Variants in FAM135A observed in about 807,000 individuals in gnomAD.
The protein encoded by FAM135A is protein FAM135A.
FAM135A carries 79 observed loss-of-function variants against 146.8 expected under a neutral mutation model. The observed-to-expected ratio is 0.54, with a 90% confidence interval of 0.45 to 0.65. The LOEUF is 0.65. FAM135A is among the 30% of genes least tolerant of loss of function. The probability of loss-of-function intolerance (pLI) is 0.00; values close to 1 mark genes in which losing one functional copy is unlikely to be tolerated. For synonymous variants in FAM135A, 562 were observed against 603.6 expected (o/e 0.93, Z 1.01); for missense variants, 1,623 against 1,758.2 (o/e 0.92, Z 1.38).
chr6:70,441,633 A>G (rs1313506846), intron 4 of FAM135A, among the ~76,000 whole-genome samples: 4 of 152,036 alleles, frequency 2.6e-5, no homozygotes, highest in Admixed American at 1.3e-4. Flanking sequence ...TACTAAAGGT[A>G]CACATTTTGG....
At chr6:70,423,675 T>C (rs116691563) in intron 2 of FAM135A, among the ~76,000 whole-genome samples, 3,104 of 152,278 alleles carry the variant, frequency 0.02, 107 homozygotes, top group African/African-American at 0.07. Flanking sequence ...CAAGGGAGGT[T>C]GGGAAATATA....
At position 70,526,565 on chromosome 6, in the gene FAM135A, G is replaced by T; in HGVS notation, c.3481G>T (p.Glu1161Ter). ...GCLSFPSAPR[E>*]SPCNVKYSSK... ...TTTGTCCTTCCCGTCTGCACCACGA[G>T]AGTCTCCTTGTAATGTTAAATATTC... The change falls in exon 15 of 22, where the codon GAG (glutamate) becomes TAG (stop). Residue 1161 changes from glutamate (E) to a stop codon, truncating the protein, a stop_gained. Coordinates refer to ENST00000418814, the MANE Select transcript of FAM135A (RefSeq NM_001162529.3). LOFTEE classifies it high-confidence loss of function. The T allele has an allele frequency of 1.2e-6, 2 of 1,613,542 alleles. No homozygotes were observed. The highest frequency in any genetic ancestry group is 1.7e-6 in the Non-Finnish European group (2 of 1,179,686).
intron 1 of FAM135A, among the ~76,000 whole-genome samples, chr6:70,414,306 T>C (rs1318374102): frequency 6.6e-6 from 1 of 152,234 alleles, no homozygotes; most frequent in African/African-American, 2.4e-5. Flanking sequence ...TTTTTGTTAG[T>C]TGCCGATTGT....
chr6:70,480,061 T>G (rs938243542), intron 8 of FAM135A, among the ~76,000 whole-genome samples: 6 of 152,220 alleles, frequency 3.9e-5, no homozygotes, highest in African/African-American at 1.4e-4. Context: ...TTTCTGTCTT[T>G]TCCCTTTTGC....
chr6:70,517,146 G>A (rs1416461595), intron 12 of FAM135A, among the ~76,000 whole-genome samples: 1 of 152,152 alleles, frequency 6.6e-6, no homozygotes, highest in Non-Finnish European at 1.5e-5. Context: ...GGTTTAGGCA[G>A]ACTTCCAATT....
At chr6:70,486,882 G>C (rs938095004) in intron 10 of FAM135A, among the ~76,000 whole-genome samples, 4 of 152,056 alleles carry the variant, frequency 2.6e-5, no homozygotes, top group Admixed American at 2.6e-4. Context: ...AGCCGAGATC[G>C]TGCCATTGCA....
intron 20 of FAM135A, among the ~76,000 whole-genome samples, chr6:70,545,170 TTTATC>T (rs1395432031): frequency 6.6e-6 from 1 of 152,164 alleles, no homozygotes; most frequent in Admixed American, 6.5e-5. Flanking sequence ...TAACAGAACT[TTTATC>T]TAAATGCTGA....
At chr6:70,523,577 C>T (rs982184817) in intron 13 of FAM135A, among the ~76,000 whole-genome samples, 8 of 152,046 alleles carry the variant, frequency 5.3e-5, no homozygotes, top group East Asian at 1.9e-4. Flanking sequence ...AAATGAAACA[C>T]GTCTTTTTCC....
In FAM135A at chr6:70,526,650, CTT is replaced by C; in HGVS notation, c.3567_3568del (p.Ser1190PhefsTer6). The C allele has an allele frequency of 6.2e-7, 1 of 1,610,018 alleles. No homozygotes were observed. Among genetic ancestry groups the C allele is most frequent in the Non-Finnish European group, 8.5e-7 (1 of 1,178,600 alleles). On this transcript the variant is annotated frameshift_variant, in exon 15 of 22. Coordinates refer to ENST00000418814, the MANE Select transcript of FAM135A (RefSeq NM_001162529.3). LOFTEE classifies it high-confidence loss of function. ...CCAAGCAGTACTTCTTACAACTTCACTTCTTCGATTTCCTGGTATGAAAGTTC... is the reference window on the plus strand; with the variant it reads ...CCAAGCAGTACTTCTTACAACTTCACCTTCGATTTCCTGGTATGAAAGTTC...
intron 4 of FAM135A, among the ~76,000 whole-genome samples, chr6:70,445,545 T>C (rs1213119189): frequency 6.6e-6 from 1 of 152,212 alleles, no homozygotes; most frequent in East Asian, 1.9e-4. Context: ...CTATAAATAC[T>C]AGATTAACTA....
intron 11 of FAM135A, among the ~76,000 whole-genome samples, chr6:70,493,181 A>C (rs967087947): frequency 6.6e-6 from 1 of 152,120 alleles, no homozygotes; most frequent in Non-Finnish European, 1.5e-5. Context: ...TCTTCAAGAT[A>C]TATTAATTGA....
chr6:70,488,212 G>A (rs1562507389), intron 10 of FAM135A, among the ~76,000 whole-genome samples: 1 of 152,010 alleles, frequency 6.6e-6, no homozygotes, highest in African/African-American at 2.4e-5. Context: ...GCAAAGAGTG[G>A]AATACAGAAT....
chr6:70,533,406 A>G (rs1390827716), intron 17 of FAM135A, among the ~76,000 whole-genome samples, 155 bp downstream of exon 17: 2 of 152,156 alleles, frequency 1.3e-5, no homozygotes, highest in Non-Finnish European at 2.9e-5. Flanking sequence ...AATATATATG[A>G]TTTACATTTT....
chr6:70,554,626 T>C (rs1041810826), intron 20 of FAM135A, among the ~76,000 whole-genome samples: 1 of 151,336 alleles, frequency 6.6e-6, no homozygotes, highest in African/African-American at 2.4e-5. Flanking sequence ...TTTTGGGGGG[T>C]TTTTTTGGTT....
chr6:70,454,706 T>A (rs1777925100), intron 5 of FAM135A, among the ~76,000 whole-genome samples: 1 of 152,148 alleles, frequency 6.6e-6, no homozygotes, highest in African/African-American at 2.4e-5. Flanking sequence ...TTGTCAGAGA[T>A]CAGATGGTTG....
At chr6:70,467,636 C>A (rs1353695188) in intron 5 of FAM135A, among the ~76,000 whole-genome samples, 1 of 151,850 alleles carries the variant, frequency 6.6e-6, no homozygotes, top group Non-Finnish European at 1.5e-5. Flanking sequence ...TTATTTTTAA[C>A]CCTTTTTTGA....
intron 20 of FAM135A, among the ~76,000 whole-genome samples, chr6:70,548,304 T>C (rs904004158): frequency 3.9e-5 from 6 of 152,372 alleles, no homozygotes; most frequent in Non-Finnish European, 8.8e-5. Flanking sequence ...AATACACTTT[T>C]TTTAAATAAC....
intron 12 of FAM135A, among the ~76,000 whole-genome samples, chr6:70,505,474 G>C (rs1789555637): frequency 6.6e-6 from 1 of 151,868 alleles, no homozygotes; most frequent in Non-Finnish European, 1.5e-5. Context: ...TCTTCAGTTT[G>C]GGTTTGTATT....
At chr6:70,510,579 C>T (rs1247525661) in intron 12 of FAM135A, among the ~76,000 whole-genome samples, 1 of 151,934 alleles carries the variant, frequency 6.6e-6, no homozygotes, top group Non-Finnish European at 1.5e-5. Flanking sequence ...CAAGTTTCAC[C>T]CATGTTTTAC....
Sources: allele counts gnomAD v4.1 joint callset (sites outside exome capture counted in the v4.1 genomes callset), GRCh38; gene constraint gnomAD v4.1.1; transcripts MANE v1.5; gene names NCBI Gene and HGNC (gene_info 2026-07-23, HGNC 2026-07-21).